The following ASTN2 variants were observed in gnomAD, a reference collection of about 807,000 sequenced individuals.
ASTN2 encodes the protein astrotactin 2.
Under a neutral mutation model 139.8 loss-of-function variants are expected in ASTN2, and 54 were observed. The observed-to-expected ratio is 0.39, with a 90% CI of 0.31 to 0.48. The LOEUF is 0.48. Ranked by LOEUF, ASTN2 falls within the 20% of genes least tolerant of loss-of-function variation. ASTN2 has a pLI of 0.95. For synonymous variants in ASTN2, 756 were observed against 719.5 expected, an observed-to-expected ratio of 1.05 and a Z score of -0.81; for missense variants, 1,565 against 1,725.1, an observed-to-expected ratio of 0.91 and a Z score of 1.64.
intron 1 of ASTN2, among the ~76,000 whole-genome samples, chr9:117,330,897 G>A (rs1828687496): frequency 6.6e-6 from 1 of 152,156 alleles, no homozygotes; most frequent in South Asian, 2.1e-4. Flanking sequence ...TGGCTGGAAT[G>A]AGGACACATT....
chr9:116,969,096 G>C (rs1165041290), intron 10 of ASTN2, among the ~76,000 whole-genome samples: 1 of 152,062 alleles, frequency 6.6e-6, no homozygotes. Context: ...TTCAACCCTG[G>C]TTTCAAGGGT....
intron 7 of ASTN2, among the ~76,000 whole-genome samples, chr9:116,986,275 C>T (rs532494593): frequency 4.0e-5 from 6 of 151,662 alleles, no homozygotes; most frequent in African/African-American, 7.3e-5. Context: ...TTTCTCCTCC[C>T]GACCGGATTC....
chr9:116,745,599 G>T (rs2132145085), intron 13 of ASTN2, among the ~76,000 whole-genome samples: 1 of 152,220 alleles, frequency 6.6e-6, no homozygotes, highest in South Asian at 2.1e-4. Flanking sequence ...TATATAACTA[G>T]TTTCCCTCAG....
chr9:116,597,170 G>A (rs1434323716), intron 19 of ASTN2, among the ~76,000 whole-genome samples: 1 of 152,060 alleles, frequency 6.6e-6, no homozygotes, highest in African/African-American at 2.4e-5. Flanking sequence ...ACCCTTTCCA[G>A]AGGTAATTCT....
chr9:116,684,469 G>A (rs550408846), intron 16 of ASTN2, among the ~76,000 whole-genome samples: 32 of 152,230 alleles, frequency 2.1e-4, no homozygotes, highest in Admixed American at 1.7e-3. Context: ...GTTGGAAGTC[G>A]CCAGACTAAT....
intron 1 of ASTN2, among the ~76,000 whole-genome samples, chr9:117,403,478 G>T (rs188786488): frequency 5.3e-5 from 8 of 152,220 alleles, no homozygotes; most frequent in African/African-American, 1.9e-4. Flanking sequence ...CTCTAATTTG[G>T]TGCTATCTCC....
At chr9:116,743,345 T>C (rs754068603) in intron 13 of ASTN2, among the ~76,000 whole-genome samples, 11 of 152,134 alleles carry the variant, frequency 7.2e-5, no homozygotes, top group Admixed American at 2.6e-4. Context: ...GGTCAGGAGA[T>C]TGAGACCATC....
chr9:116,609,953 A>T (rs1006174868), intron 19 of ASTN2, among the ~76,000 whole-genome samples: 7 of 152,070 alleles, frequency 4.6e-5, no homozygotes, highest in South Asian at 2.1e-4. Context: ...AAATTTTTTT[A>T]AAAAAGAGTT....
At chr9:117,178,743 A>G (rs1830980544) in intron 3 of ASTN2, among the ~76,000 whole-genome samples, 1 of 152,218 alleles carries the variant, frequency 6.6e-6, no homozygotes, top group Non-Finnish European at 1.5e-5. Context: ...CAGGGAAATC[A>G]AAGTGCCAAG....
chr9:117,212,474 C>A (rs930452072), intron 3 of ASTN2, among the ~76,000 whole-genome samples: 3 of 152,030 alleles, frequency 2.0e-5, no homozygotes, highest in Non-Finnish European at 1.5e-5. Flanking sequence ...AAAACACAAC[C>A]TACAGAATGG....
At chr9:117,365,312 A>G (rs913077176) in intron 1 of ASTN2, among the ~76,000 whole-genome samples, 1 of 147,974 alleles carries the variant, frequency 6.8e-6, no homozygotes, top group Non-Finnish European at 1.5e-5. Flanking sequence ...AGAAAGAAAG[A>G]AAAAGAAAGA....
At chr9:116,757,221 G>GCAGGAAAC (rs1268458899) in intron 13 of ASTN2, among the ~76,000 whole-genome samples, 1 of 152,192 alleles carries the variant, frequency 6.6e-6, no homozygotes, top group Non-Finnish European at 1.5e-5. Flanking sequence ...CTCCCTCCCT[G>GCAGGAAAC]CAGGAAACCA....
At chr9:116,712,083 T>A (rs1273948240) in intron 16 of ASTN2, among the ~76,000 whole-genome samples, 1 of 152,204 alleles carries the variant, frequency 6.6e-6, no homozygotes, top group Middle Eastern at 3.2e-3. Context: ...TTGATTCCTG[T>A]CCATCTATCT....
At chr9:116,602,017 G>C (rs4836776) in intron 19 of ASTN2, among the ~76,000 whole-genome samples, 24,575 of 152,146 alleles carry the variant, frequency 0.16, 2,173 homozygotes, top group African/African-American at 0.22. Flanking sequence ...TGGTGTTAGA[G>C]AGTTAGATAC....
At chr9:117,176,735 C>A (rs1830927527) in intron 3 of ASTN2, among the ~76,000 whole-genome samples, 2 of 152,058 alleles carry the variant, frequency 1.3e-5, no homozygotes. Flanking sequence ...GAGTTCAAGA[C>A]CAGCCTAAGT....
chr9:116,601,016 A>C (rs1411578712), intron 19 of ASTN2, among the ~76,000 whole-genome samples: 1 of 152,212 alleles, frequency 6.6e-6, no homozygotes, highest in Non-Finnish European at 1.5e-5. Flanking sequence ...TTTAGTGAGA[A>C]AGGCAAATGC....
chr9:116,427,632 A>G (rs1847349721), intron 22 of ASTN2, among the ~76,000 whole-genome samples: 1 of 152,250 alleles, frequency 6.6e-6, no homozygotes, highest in Non-Finnish European at 1.5e-5. Context: ...CACAAATGGG[A>G]GACTGTGTTA....
At chr9:116,876,705 G>A (rs1443268999) in intron 10 of ASTN2, among the ~76,000 whole-genome samples, 1 of 152,062 alleles carries the variant, frequency 6.6e-6, no homozygotes, top group Non-Finnish European at 1.5e-5. Flanking sequence ...AAATGATTAT[G>A]GCTCACTGAA....
At chr9:116,907,239 A>T (rs1429616060) in intron 10 of ASTN2, among the ~76,000 whole-genome samples, 1 of 152,068 alleles carries the variant, frequency 6.6e-6, no homozygotes, top group Non-Finnish European at 1.5e-5. Flanking sequence ...AATGTGGGGG[A>T]CCCGTTCCCT....
Sources: gnomAD v4.1 joint callset for allele counts (sites outside exome capture counted in the v4.1 genomes callset) on GRCh38, gnomAD v4.1.1 for gene constraint, MANE v1.5 for transcripts, NCBI Gene and HGNC (gene_info 2026-07-23, HGNC 2026-07-21) for gene names.